The following STK11 variants were observed in gnomAD, a reference collection of about 807,000 sequenced individuals.
The protein encoded by STK11 is serine/threonine kinase 11.
STK11 carries 8 observed loss-of-function variants against 47.3 expected under a neutral mutation model. The ratio of observed to expected loss-of-function variants is 0.17; its 90% CI spans 0.10 to 0.31. The LOEUF (loss-of-function observed/expected upper bound fraction) is 0.31, where lower values mean the gene tolerates loss of function less well. Among genes scored for constraint, STK11 ranks in the 10% least tolerant of loss-of-function variants. STK11 has a pLI of 1.00. For missense variants in STK11, 475 were observed against 605.0 expected (o/e 0.79, Z 2.25); for synonymous variants, 330 against 255.8 (o/e 1.29, Z -2.77).
chr19:1,221,092 G>A (rs1373075725), intron 5 of STK11, 121 bp from the exon 6 acceptor site: 30 of 1,419,090 alleles, frequency 2.1e-5, no homozygotes, highest in South Asian at 4.0e-5. Context: ...GTGTCCTTGA[G>A]TCCACAGGGC....
chr19:1,217,195 C>T (rs921074120), intron 1 of STK11, among the ~76,000 whole-genome samples: 1 of 152,040 alleles, frequency 6.6e-6, no homozygotes, highest in African/African-American at 2.4e-5. Flanking sequence ...GACCTTGCTC[C>T]TCGTCATTTT....
chr19:1,222,809 G>C (rs577610680), intron 7 of STK11, among the ~76,000 whole-genome samples, 176 bp from the exon 8 acceptor site: 1 of 152,324 alleles, frequency 6.6e-6, no homozygotes, highest in South Asian at 2.1e-4. Flanking sequence ...AGTCAGGTCA[G>C]CCTGCCTGCT....
intron 7 of STK11, among the ~76,000 whole-genome samples, chr19:1,222,443 C>T (rs2080791515): frequency 1.3e-5 from 2 of 152,194 alleles, no homozygotes; most frequent in African/African-American, 2.4e-5. Flanking sequence ...TCCCTCACTT[C>T]GTGGGCTCTG....
chr19:1,227,489 T>C, intron 9 of STK11, 104 bp from the exon 10 acceptor site: 2 of 1,049,142 alleles, frequency 1.9e-6, no homozygotes, highest in Non-Finnish European at 2.3e-6. Flanking sequence ...AGGAGTCCGG[T>C]AGCCCCATGA....
intron 1 of STK11, among the ~76,000 whole-genome samples, chr19:1,211,205 G>T (rs1279331798): frequency 6.6e-6 from 1 of 152,276 alleles, no homozygotes; most frequent in Admixed American, 6.5e-5. Flanking sequence ...AACCTGGGAG[G>T]CGGAGGTTGC....
At chr19:1,224,970 C>T in intron 8 of STK11, 4 of 985,582 alleles carry the variant, frequency 4.1e-6, no homozygotes, top group Non-Finnish European at 4.8e-6. Context: ...TCGGGTCAGG[C>T]CATCCTCTGC....
intron 5 of STK11, 118 bp downstream of exon 5, chr19:1,220,835 C>T: frequency 2.1e-6 from 3 of 1,429,742 alleles, no homozygotes; most frequent in Non-Finnish European, 2.8e-6. Flanking sequence ...CCCTCTCTGG[C>T]CACAGCCGCT....
intron 1 of STK11, among the ~76,000 whole-genome samples, chr19:1,214,618 C>T (rs940017062): frequency 3.3e-5 from 5 of 152,188 alleles, no homozygotes; most frequent in East Asian, 1.9e-4. Context: ...CTTTTAGGGC[C>T]GTGCAGCCTC....
intron 8 of STK11, chr19:1,223,915 G>T: frequency 9.9e-7 from 1 of 1,014,292 alleles, no homozygotes; most frequent in Non-Finnish European, 1.2e-6. Context: ...GCTGGAGCCT[G>T]AGGGGGCTTT....
rs995422130 is a variant in STK11 at position 1,228,342 on chromosome 19, G to A, written c.*766G>A. The A allele has an allele frequency of 2.0e-5, 5 of 247,676 alleles. No homozygotes were observed. The highest frequency in any genetic ancestry group is 3.8e-5 in the Non-Finnish European group (5 of 131,792). The allele number at this position is 247,676 out of a possible 1,614,324, so 15.3% of individuals were successfully genotyped here. ...AGAAAAACACGAGAAACGCCATCGC[G>A]GGATGGTGCAGACGCGGCGGGGACT... is the stretch of plus-strand genomic sequence containing the variant. On this transcript the variant is annotated 3_prime_UTR_variant, in exon 10 of 10. Transcript: ENST00000326873.
In STK11 at chr19:1,219,398, T is replaced by C. The variant is rs587781802; in HGVS notation, c.449T>C (p.Val150Ala). The C allele has an allele frequency of 1.2e-5, 18 of 1,475,984 alleles. No individual in the cohort carries two copies. Among genetic ancestry groups the C allele is most frequent in the Non-Finnish European group, 1.5e-5 (17 of 1,102,942 alleles). 91.4% of individuals were successfully genotyped at this position (1,475,984 alleles called of 1,614,324 possible). ...AGCGTGCCGGAGAAGCGTTTCCCAG[T>C]GTGCCAGGCCCACGGGTGCGTGCGC... ...LDSVPEKRFPVCQAHGYFCQL... is the reference protein window; with the variant it reads ...LDSVPEKRFPACQAHGYFCQL... The change falls in exon 3 of 10, where the codon GTG becomes GCG. Residue 150 changes from valine (V) to alanine (A), a missense_variant. Transcript: ENST00000326873.
intron 3 of STK11, 52 bp downstream of exon 3, chr19:1,219,465 GGGCA>G: frequency 1.4e-6 from 2 of 1,393,226 alleles, no homozygotes; most frequent in Non-Finnish European, 1.9e-6. Flanking sequence ...GGGCCAGGCA[GGGCA>G]GGCTCCTTTC....
rs975029640 is a variant in STK11, at chr19:1,227,932, C to G, written c.*356C>G. On this transcript the variant is annotated 3_prime_UTR_variant, in exon 10 of 10. Coordinates refer to ENST00000326873, the MANE Select transcript of STK11 (RefSeq NM_000455.5). ...CCGCAGGGCGCCCAGCGCCGTCCGG[C>G]GGCCCCGCCGCAGACCAGCTGGCGG... The G allele has an allele frequency of 1.9e-6, 2 of 1,069,944 alleles. No individual in the cohort carries two copies. The highest frequency in any genetic ancestry group is 1.6e-5 in the African/African-American group (1 of 61,148). The allele number at this position is 1,069,944 out of a possible 1,614,324, so 66.3% of individuals were successfully genotyped here.
At chr19:1,208,243 C>T (rs2080682531) in intron 1 of STK11, among the ~76,000 whole-genome samples, 1 of 151,580 alleles carries the variant, frequency 6.6e-6, no homozygotes. Context: ...CTCAGGGGCC[C>T]TGGGGCTCCT....
chr19:1,220,299 C>T lies in STK11; in HGVS notation c.465-74C>T, dbSNP rs2080773162. ...GGGCCTGTGGTGTTTGGGAGGCTCC[C>T]AGGCAGCTGCAAAGGGGACCCCTGT... On this transcript the variant is annotated intron_variant, in intron 3 of 9. Transcript: ENST00000326873. The T allele has an allele frequency of 3.3e-6, 5 of 1,534,886 alleles. No homozygotes were observed. The South Asian group carries it at 4.8e-5, about 15-fold the overall frequency.
At chr19:1,222,477 G>A (rs1253738986) in intron 7 of STK11, among the ~76,000 whole-genome samples, 1 of 152,186 alleles carries the variant, frequency 6.6e-6, no homozygotes, top group Non-Finnish European at 1.5e-5. Context: ...GCCCCTGGAG[G>A]CCCTTGAGCC....
At chr19:1,221,789 G>A (rs1027073010) in intron 6 of STK11, 160 bp from the exon 7 acceptor site, 50 of 748,302 alleles carry the variant, frequency 6.7e-5, no homozygotes, top group Admixed American at 1.1e-4. Flanking sequence ...TCCCAGGAGT[G>A]GAGTGGCCTC....
At chr19:1,215,060 C>G (rs2080736226) in intron 1 of STK11, among the ~76,000 whole-genome samples, 1 of 152,226 alleles carries the variant, frequency 6.6e-6, no homozygotes, top group African/African-American at 2.4e-5. Context: ...TAGGGGCACA[C>G]AGAGCCCTGG....
intron 1 of STK11, among the ~76,000 whole-genome samples, chr19:1,210,902 C>A (rs765486865): frequency 7.2e-5 from 11 of 151,962 alleles, no homozygotes; most frequent in Non-Finnish European, 1.3e-4. Flanking sequence ...GTGGCTCACG[C>A]CTGTAATCCC....
Sources: gnomAD v4.1 joint callset for allele counts (sites outside exome capture counted in the v4.1 genomes callset) on GRCh38, gnomAD v4.1.1 for gene constraint, MANE v1.5 for transcripts, NCBI Gene and HGNC (gene_info 2026-07-23, HGNC 2026-07-21) for gene names.